ABCD3: variants seen among roughly 807,000 people sequenced by gnomAD.
ABCD3 encodes the protein ATP binding cassette subfamily D member 3.
Under a neutral mutation model 105.5 loss-of-function variants are expected in ABCD3, and 41 were observed. That is an observed-to-expected ratio of 0.39 (90% CI 0.30 to 0.50). ABCD3 has a LOEUF of 0.50. ABCD3 is among the 20% of genes least tolerant of loss of function. ABCD3 has a pLI of 0.84. For synonymous variants in ABCD3, 258 were observed against 269.0 expected, an observed-to-expected ratio of 0.96 and a Z score of 0.40; for missense variants, 622 against 806.3, an observed-to-expected ratio of 0.77 and a Z score of 2.77.
At chr1:94,401,008 G>A in the ABCD3 span, among the ~76,000 whole-genome samples, 24 of 152,164 alleles carry the variant, frequency 1.6e-4, no homozygotes, top group Non-Finnish European at 2.5e-4. Context: ...CAGTCACCTT[G>A]CTATGTGATA....
At chr1:94,472,379 G>A (rs1648522695) in intron 4 of ABCD3, 1 of 188,268 alleles carries the variant, frequency 5.3e-6, no homozygotes, top group African/African-American at 2.4e-5. Flanking sequence ...TGTCTTGATT[G>A]CTTAATGTCT....
At chr1:94,495,518 C>T (rs1453538909) in intron 16 of ABCD3, among the ~76,000 whole-genome samples, 1 of 152,152 alleles carries the variant, frequency 6.6e-6, no homozygotes, top group African/African-American at 2.4e-5. Flanking sequence ...TTCAACACTA[C>T]CAAATGCCGT....
At chr1:94,429,725 G>T (rs1557659325) in intron 1 of ABCD3, among the ~76,000 whole-genome samples, 1 of 152,262 alleles carries the variant, frequency 6.6e-6, no homozygotes, top group Non-Finnish European at 1.5e-5. Flanking sequence ...GTATGGAAAT[G>T]CCTGGATGCC....
the ABCD3 span, among the ~76,000 whole-genome samples, chr1:94,412,122 A>G: frequency 6.6e-6 from 1 of 152,178 alleles, no homozygotes; most frequent in Non-Finnish European, 1.5e-5. Context: ...CAAACTGTTC[A>G]TTTTAAAATA....
chr1:94,400,269 C>G, the ABCD3 span, among the ~76,000 whole-genome samples: 1 of 151,700 alleles, frequency 6.6e-6, no homozygotes, highest in Admixed American at 6.6e-5. Context: ...ATGAGTCCAG[C>G]TTGGTGGCAG....
At position 94,505,619 on chromosome 1, in the gene ABCD3, C is replaced by T. The variant is rs770036273; in HGVS notation, c.1741-919C>T. ...GAAATCAGAAGATTGGATGAGATCACTGACAGAATACAGGAAAAAGAGGAG... is the reference window on the plus strand; with the variant it reads ...GAAATCAGAAGATTGGATGAGATCATTGACAGAATACAGGAAAAAGAGGAG... On this transcript the variant is annotated intron_variant, in intron 20 of 22. Transcript: ENST00000370214. Among the ~76,000 whole-genome samples the T allele has an allele frequency of 4.6e-5, 7 of 152,180 alleles. No individual in the cohort carries two copies. The East Asian group carries it at 1.4e-3, about 29-fold the overall frequency.
chr1:94,404,683 A>T, the ABCD3 span, among the ~76,000 whole-genome samples: 1 of 152,012 alleles, frequency 6.6e-6, no homozygotes. Flanking sequence ...TTTCATTGTT[A>T]TCTGATTTTT....
At chr1:94,458,492 G>T in intron 1 of ABCD3, 115 bp from the exon 2 acceptor site, 1 of 935,222 alleles carries the variant, frequency 1.1e-6, no homozygotes, top group Middle Eastern at 2.4e-4. Context: ...TCACTATGAT[G>T]TGAAAAAGAA....
intron 21 of ABCD3, 50 bp downstream of exon 21, chr1:94,506,692 T>A: frequency 7.5e-7 from 1 of 1,324,662 alleles, no homozygotes; most frequent in Non-Finnish European, 1.1e-6. Flanking sequence ...CTACCTAGTG[T>A]AAACTATGTC....
At chr1:94,415,654 T>C (rs933015200), upstream of ABCD3, among the ~76,000 whole-genome samples, 11 of 45,992 alleles carry the variant, frequency 2.4e-4, no homozygotes, top group Non-Finnish European at 4.0e-4. Context: ...GAAGTTCAGA[T>C]AAGGGATTTT....
the ABCD3 span, among the ~76,000 whole-genome samples, chr1:94,408,251 A>G: frequency 6.6e-6 from 1 of 152,192 alleles, no homozygotes; most frequent in Non-Finnish European, 1.5e-5. Context: ...TTGAAAGACA[A>G]TATACACCGG....
chr1:94,432,300 G>A (rs1659713903), intron 1 of ABCD3, among the ~76,000 whole-genome samples: 1 of 152,102 alleles, frequency 6.6e-6, no homozygotes, highest in African/African-American at 2.4e-5. Context: ...AATTCTTCTG[G>A]TTGTTACCTG....
At chr1:94,512,426 TATAA>T (rs1441283478) in intron 21 of ABCD3, among the ~76,000 whole-genome samples, 1 of 151,946 alleles carries the variant, frequency 6.6e-6, no homozygotes, top group Non-Finnish European at 1.5e-5. Context: ...TGTTGTTTTA[TATAA>T]ATGAGATATA....
intron 1 of ABCD3, among the ~76,000 whole-genome samples, chr1:94,436,386 T>A (rs893580718): frequency 6.6e-6 from 1 of 152,232 alleles, no homozygotes; most frequent in African/African-American, 2.4e-5. Flanking sequence ...CACTCAGTGT[T>A]CTCCAAATAA....
At chr1:94,436,125 A>G (rs912072660) in intron 1 of ABCD3, among the ~76,000 whole-genome samples, 15 of 152,230 alleles carry the variant, frequency 9.9e-5, no homozygotes, top group Admixed American at 5.9e-4. Context: ...CAAGATCACA[A>G]TTGGAATTTA....
intron 9 of ABCD3, chr1:94,481,714 A>G (rs1376143820): frequency 6.6e-6 from 1 of 152,262 alleles, no homozygotes; most frequent in Non-Finnish European, 1.5e-5. Context: ...AGCTCCAGAA[A>G]CAAAAAGGGG....
intron 16 of ABCD3, among the ~76,000 whole-genome samples, chr1:94,495,381 T>A (rs186438022): frequency 5.9e-4 from 90 of 152,274 alleles, no homozygotes; most frequent in African/African-American, 2.1e-3. Flanking sequence ...AGAACTTAAT[T>A]TTCAGTAAAT....
chr1:94,476,949 T>TG (rs911394551), intron 7 of ABCD3, among the ~76,000 whole-genome samples: 3 of 142,070 alleles, frequency 2.1e-5, no homozygotes, highest in African/African-American at 2.5e-5. Context: ...ATGGTGGGAA[T>TG]GGGGGGTGTA....
chr1:94,464,970 C>G, intron 3 of ABCD3, 97 bp downstream of exon 3: 1 of 1,031,862 alleles, frequency 9.7e-7, no homozygotes, highest in Non-Finnish European at 1.5e-6. Flanking sequence ...ATTTAATTGG[C>G]TCCTGGATCT....
Sources: gnomAD v4.1 joint callset for allele counts (sites outside exome capture counted in the v4.1 genomes callset) on GRCh38, gnomAD v4.1.1 for gene constraint, MANE v1.5 for transcripts, NCBI Gene and HGNC (gene_info 2026-07-23, HGNC 2026-07-21) for gene names.